The following DAW1 variants were observed in gnomAD, a reference collection of about 807,000 sequenced individuals.
DAW1 encodes dynein assembly factor with WD repeat domains 1.
A neutral mutation model predicts 56.5 loss-of-function variants in DAW1; 47 were observed. That is an observed-to-expected ratio of 0.83 (90% CI 0.66 to 1.06). The LOEUF is 1.06. DAW1 is among the 50% of genes least tolerant of loss of function. The pLI, the probability that DAW1 is intolerant of heterozygous loss-of-function variation, is 0.00. For missense variants in DAW1, 505 were observed against 499.3 expected (o/e 1.01, Z -0.11); for synonymous variants, 190 against 179.0 (o/e 1.06, Z -0.49).
intron 10 of DAW1, chr2:227,912,429 G>A: frequency 1.5e-6 from 2 of 1,304,848 alleles, no homozygotes; most frequent in East Asian, 5.6e-5. Context: ...CACTGGACGT[G>A]ATGCTAAACT....
intron 1 of DAW1, among the ~76,000 whole-genome samples, chr2:227,879,417 A>G (rs1433691659): frequency 6.6e-6 from 1 of 152,102 alleles, no homozygotes; most frequent in African/African-American, 2.4e-5. Flanking sequence ...TCTTTTTAAA[A>G]ATCATTTTTG....
chr2:227,923,686 C>T (rs533023936), intron 12 of DAW1, among the ~76,000 whole-genome samples: 2 of 151,922 alleles, frequency 1.3e-5, no homozygotes, highest in African/African-American at 4.8e-5. Flanking sequence ...AGCCATGAAT[C>T]TTGCTAGTGT....
chr2:227,918,654 G>A, intron 10 of DAW1, 126 bp from the exon 11 acceptor site: 1 of 1,021,952 alleles, frequency 9.8e-7, no homozygotes, highest in East Asian at 2.6e-5. Flanking sequence ...CTCAACACAG[G>A]CAAGAAGATG....
intron 4 of DAW1, 104 bp from the exon 5 acceptor site, chr2:227,893,691 C>G: frequency 6.8e-7 from 1 of 1,478,370 alleles, no homozygotes; most frequent in Non-Finnish European, 9.0e-7. Context: ...AACAAACAAA[C>G]AAACAGCATA....
At chr2:227,916,702 C>T (rs1480120316) in intron 10 of DAW1, among the ~76,000 whole-genome samples, 1 of 152,082 alleles carries the variant, frequency 6.6e-6, no homozygotes, top group Non-Finnish European at 1.5e-5. Flanking sequence ...CCTGTGAAGT[C>T]TCCATTATTT....
intron 10 of DAW1, among the ~76,000 whole-genome samples, chr2:227,914,166 C>T (rs1177885001): frequency 2.0e-5 from 3 of 151,958 alleles, no homozygotes; most frequent in Non-Finnish European, 4.4e-5. Flanking sequence ...ATGTCTGCAC[C>T]ACCTCCTTGA....
intron 10 of DAW1, among the ~76,000 whole-genome samples, chr2:227,915,469 T>C (rs1559314125): frequency 6.6e-6 from 1 of 152,104 alleles, no homozygotes; most frequent in Non-Finnish European, 1.5e-5. Flanking sequence ...TGTTTGATGC[T>C]GGAAGATGTC....
At position 227,912,508 on chromosome 2, in the gene DAW1, A is replaced by G. The variant is rs1691853622; in HGVS notation, c.973+5256A>G. On this transcript the variant is annotated intron_variant, in intron 10 of 12. Transcript: ENST00000309931. ...TGTGTTCCTTATCTTCTTGATGATC[A>G]TATATAATGCTGCACTGTCTAGTAT... 3.1e-6 allele frequency: 4 copies of G among 1,295,478 alleles called. No individual in the cohort carries two copies. In the African/African-American group the frequency reaches 4.6e-5, roughly 15 times the overall value. The allele number at this position is 1,295,478 out of a possible 1,614,324, so 80.2% of individuals were successfully genotyped here.
chr2:227,889,855 G>A lies in DAW1; in HGVS notation c.114-1G>A. 1 of 1,583,136 alleles carries A rather than the reference G, an allele frequency of 6.3e-7. No individual in the cohort carries two copies. The highest frequency in any genetic ancestry group is 8.5e-7 in the Non-Finnish European group (1 of 1,170,352). ...GAAACTCTTTTTTGGGTGTATTTCA[G>A]CACTGATGTCAGTGCGTTAGTAGAA... On this transcript the variant is annotated splice_acceptor_variant, in intron 2 of 12. Transcript: ENST00000309931. LOFTEE classifies it high-confidence loss of function.
intron 1 of DAW1, among the ~76,000 whole-genome samples, chr2:227,877,753 G>C (rs1690913623): frequency 1.3e-5 from 2 of 152,204 alleles, no homozygotes; most frequent in Non-Finnish European, 2.9e-5. Context: ...ATCTAATGCT[G>C]CTGCTGCTGA....
chr2:227,905,966 G>T (rs1209312355), intron 8 of DAW1, among the ~76,000 whole-genome samples: 1 of 152,178 alleles, frequency 6.6e-6, no homozygotes, highest in East Asian at 1.9e-4. Flanking sequence ...GTGTTAGCCA[G>T]GATGGTCTCT....
chr2:227,909,270 A>ATCTATCTATCTATCTATCTATCTATCTG (rs1553603365), intron 10 of DAW1, among the ~76,000 whole-genome samples: 7 of 144,462 alleles, frequency 4.8e-5, no homozygotes, highest in Non-Finnish European at 3.0e-5. Flanking sequence ...CTATCTATCT[A>ATCTATCTATCTATCTATCTATCTATCTG]TCTGTCTGTC....
chr2:227,904,717 A>G (rs1691635268), intron 7 of DAW1, among the ~76,000 whole-genome samples: 1 of 152,136 alleles, frequency 6.6e-6, no homozygotes, highest in Non-Finnish European at 1.5e-5. Context: ...TTGTGCAGCC[A>G]TTACCAAAAC....
chr2:227,899,494 C>T (rs998889088), intron 6 of DAW1, among the ~76,000 whole-genome samples: 4 of 152,150 alleles, frequency 2.6e-5, no homozygotes, highest in Admixed American at 2.6e-4. Context: ...AAAATATAAC[C>T]ACCTCTCCTG....
At chr2:227,871,847 G>A in intron 1 of DAW1, 118 bp downstream of exon 1, 3 of 1,389,534 alleles carry the variant, frequency 2.2e-6, no homozygotes, top group Non-Finnish European at 3.0e-6. Flanking sequence ...AGGTGGGGCA[G>A]GAAGTCGGGC....
intron 7 of DAW1, 34 bp downstream of exon 7, chr2:227,903,143 T>C (rs915616465): frequency 1.3e-6 from 2 of 1,596,070 alleles, no homozygotes; most frequent in African/African-American, 1.3e-5. Context: ...CTGTTATTTG[T>C]GTTCATTCTT....
At chr2:227,895,096 A>G (rs1691375489) in intron 5 of DAW1, among the ~76,000 whole-genome samples, 1 of 152,222 alleles carries the variant, frequency 6.6e-6, no homozygotes, top group South Asian at 2.1e-4. Context: ...CACACTGTCA[A>G]AATCTAGAAA....
chr2:227,876,313 C>T, intron 1 of DAW1: 1 of 752,874 alleles, frequency 1.3e-6, no homozygotes, highest in Non-Finnish European at 1.8e-6. Flanking sequence ...AGCCACTGTG[C>T]CCGGCCAAGC....
Position 227,906,248 on chromosome 2 carries a change from C to G in DAW1, c.768C>G (p.Ile256Met), listed in dbSNP as rs1322661288. The change falls in exon 9 of 13, where the codon ATC (isoleucine) becomes ATG (methionine). Residue 256 changes from isoleucine to methionine, a missense_variant. By Grantham distance (10) the Ile-to-Met change is conservative. Coordinates refer to ENST00000309931, the MANE Select transcript of DAW1 (RefSeq NM_178821.3). Reference protein sequence around the residue: ...WDADTGRKVNILIGHCAEISS... With the variant: ...WDADTGRKVNMLIGHCAEISS... ...TTTTGTGTTGTAGGAAGGTAAATAT[C>G]TTAATTGGTCATTGTGCTGAGATTA... The G allele has an allele frequency of 6.2e-7, 1 of 1,611,232 alleles. No homozygotes were observed. Among genetic ancestry groups the G allele is most frequent in the African/African-American group, 1.3e-5 (1 of 74,844 alleles).
Sources: gnomAD v4.1 joint callset for allele counts (sites outside exome capture counted in the v4.1 genomes callset) on GRCh38, gnomAD v4.1.1 for gene constraint, MANE v1.5 for transcripts, NCBI Gene and HGNC (gene_info 2026-07-23, HGNC 2026-07-21) for gene names.